COL5A1: variants seen among roughly 807,000 people sequenced by gnomAD.
COL5A1 encodes the protein collagen type V alpha 1 chain.
In COL5A1, 16 loss-of-function variants were observed where a neutral mutation model predicts 263.7. That is an observed-to-expected ratio of 0.06 (90% CI 0.04 to 0.09). The LOEUF (loss-of-function observed/expected upper bound fraction) is 0.09, where lower values mean the gene tolerates loss of function less well. COL5A1 is among the 10% of genes least tolerant of loss of function. The pLI is 1.00. For missense variants in COL5A1, 2,036 were observed against 2,540.5 expected, an observed-to-expected ratio of 0.80 and a Z score of 4.27; for synonymous variants, 1,012 against 1,004.5, an observed-to-expected ratio of 1.01 and a Z score of -0.14.
At chr9:134,734,625 G>A (rs1294783036) in intron 9 of COL5A1, among the ~76,000 whole-genome samples, 1 of 152,212 alleles carries the variant, frequency 6.6e-6, no homozygotes, top group Non-Finnish European at 1.5e-5. Context: ...TTCCCACTCA[G>A]TCCCGCTCCC....
chr9:134,822,965 G>C, intron 59 of COL5A1, 33 bp from the exon 60 acceptor site: 4 of 1,613,878 alleles, frequency 2.5e-6, no homozygotes, highest in Non-Finnish European at 3.4e-6. Context: ...CTGAGACCCG[G>C]CTTGCTGACG....
chr9:134,691,227 AG>A (rs1833269662), intron 2 of COL5A1, 148 bp downstream of exon 2: 7 of 959,798 alleles, frequency 7.3e-6, no homozygotes, highest in Non-Finnish European at 1.1e-5. Context: ...GTTTCACTGT[AG>A]TGAAAAGGCA....
chr9:134,825,122 G>A (rs923590684), intron 62 of COL5A1, among the ~76,000 whole-genome samples: 4 of 152,220 alleles, frequency 2.6e-5, no homozygotes, highest in Admixed American at 6.5e-5. Flanking sequence ...TTCTGGCGGG[G>A]TGACCTGCTT....
rs2132532490 is a variant in COL5A1 at position 134,682,112 on chromosome 9, G to A, written c.110-8800G>A. Among the ~76,000 whole-genome samples the A allele has an allele frequency of 6.6e-6, 1 of 152,348 alleles. No homozygotes were observed. The highest frequency in any genetic ancestry group is 1.9e-4 in the East Asian group (1 of 5,172). On this transcript the variant is annotated intron_variant, in intron 1 of 65. Coordinates refer to ENST00000371817, the MANE Select transcript of COL5A1 (RefSeq NM_000093.5). This position sits in a 1 kb window ranked among gnomAD's most constrained non-coding sequence, Gnocchi z 5.1. ...TGGCCTGGGCTCAGTGTCTGGGACC[G>A]TGGTGCTGAGTGTTTGGCGGTGACC...
intron 36 of COL5A1, among the ~76,000 whole-genome samples, 190 bp downstream of exon 36, chr9:134,797,091 C>T (rs1837941829): frequency 6.6e-6 from 1 of 152,268 alleles, no homozygotes; most frequent in Admixed American, 6.5e-5. Flanking sequence ...GCCAAGGCGG[C>T]TGTGGGGCAG....
intron 34 of COL5A1, 53 bp from the exon 35 acceptor site, chr9:134,796,321 T>C: frequency 6.3e-7 from 1 of 1,587,482 alleles, no homozygotes; most frequent in Middle Eastern, 1.7e-4. Context: ...CAGAGTCTTT[T>C]CATCCAAATA....
intron 64 of COL5A1, among the ~76,000 whole-genome samples, chr9:134,832,361 G>C (rs142562789): frequency 6.6e-6 from 1 of 152,184 alleles, no homozygotes; most frequent in East Asian, 1.9e-4. Flanking sequence ...AGCTGAGATC[G>C]CGCCACTGCA....
chr9:134,716,443 C>T lies in COL5A1; in HGVS notation c.655-10823C>T, dbSNP rs1203039213. On this transcript the variant is annotated intron_variant, in intron 4 of 65. Coordinates refer to ENST00000371817, the MANE Select transcript of COL5A1 (RefSeq NM_000093.5). This position sits in a 1 kb window ranked among gnomAD's most constrained non-coding sequence, Gnocchi z 4.5. ...TGCCATAAAACAGTGTCTGCAGGCCCGCTGCTCCGAAAGTCAAGATGTGGA... is the reference window on the plus strand; with the variant it reads ...TGCCATAAAACAGTGTCTGCAGGCCTGCTGCTCCGAAAGTCAAGATGTGGA... Among the ~76,000 whole-genome samples the T allele has an allele frequency of 3.3e-5, 5 of 150,932 alleles. No homozygotes were observed. Among genetic ancestry groups the T allele is most frequent in the South Asian group, 2.1e-4 (1 of 4,668 alleles).
chr9:134,825,969 G>T (rs976862260), intron 63 of COL5A1, 65 bp downstream of exon 63: 3 of 1,031,714 alleles, frequency 2.9e-6, no homozygotes, highest in Non-Finnish European at 4.6e-6. Flanking sequence ...CATGCCGAGG[G>T]CTTCAAGCAT....
intron 37 of COL5A1, among the ~76,000 whole-genome samples, chr9:134,800,022 A>G (rs1375778582): frequency 6.6e-6 from 1 of 152,196 alleles, no homozygotes; most frequent in African/African-American, 2.4e-5. Flanking sequence ...CTTGGGACAT[A>G]GCATCTCCTC....
chr9:134,646,000 C>T (rs745844435), intron 1 of COL5A1, among the ~76,000 whole-genome samples: 1 of 151,770 alleles, frequency 6.6e-6, no homozygotes, highest in Non-Finnish European at 1.5e-5. Flanking sequence ...CTCTCCCATC[C>T]CCTTCCTTCC....
chr9:134,740,622 T>C (rs1054487708), intron 11 of COL5A1, among the ~76,000 whole-genome samples: 1 of 152,226 alleles, frequency 6.6e-6, no homozygotes, highest in Non-Finnish European at 1.5e-5. Context: ...AGATTTGTAC[T>C]GAGTGCCTGC....
At chr9:134,775,368 G>T (rs1248331465) in intron 27 of COL5A1, among the ~76,000 whole-genome samples, 1 of 152,256 alleles carries the variant, frequency 6.6e-6, no homozygotes, top group African/African-American at 2.4e-5. Context: ...GAGAAACAGA[G>T]TCTGTCTCCA....
At chr9:134,663,111 T>A (rs1030942681) in intron 1 of COL5A1, among the ~76,000 whole-genome samples, 5 of 152,250 alleles carry the variant, frequency 3.3e-5, no homozygotes, top group African/African-American at 1.2e-4. Context: ...GTTCGACGTT[T>A]CCTGAACAAC....
intron 42 of COL5A1, 106 bp from the exon 43 acceptor site, chr9:134,809,077 C>T (rs1225204248): frequency 3.0e-6 from 3 of 1,014,704 alleles, no homozygotes; most frequent in Non-Finnish European, 4.6e-6. Context: ...TCACCCTCAC[C>T]AACTCCCACT....
chr9:134,824,953 A>T, intron 62 of COL5A1, 98 bp downstream of exon 62: 1 of 1,478,996 alleles, frequency 6.8e-7, no homozygotes, highest in Admixed American at 2.1e-5. Flanking sequence ...GCACAGCGGA[A>T]GGGACAGGAC....
chr9:134,818,967 T>C lies in COL5A1; in HGVS notation c.4393-33T>C, dbSNP rs1463164855. ...ACTTCGCCACCCAAAGCCCCAAGGA[T>C]GAGGACTCTGATCCCCCTGCCTCCT... On this transcript the variant is annotated intron_variant, in intron 56 of 65. Coordinates refer to ENST00000371817, the MANE Select transcript of COL5A1 (RefSeq NM_000093.5). This position sits in a 1 kb window ranked among gnomAD's most constrained non-coding sequence, Gnocchi z 6.0. 37 of 1,613,202 alleles carry C rather than the reference T, an allele frequency of 2.3e-5. No individual in the cohort carries two copies. The highest frequency in any genetic ancestry group is 3.1e-5 in the Non-Finnish European group (36 of 1,179,808).
At chr9:134,829,945 C>G (rs775621493) in intron 63 of COL5A1, 31 bp from the exon 64 acceptor site, 1 of 1,604,950 alleles carries the variant, frequency 6.2e-7, no homozygotes, top group Non-Finnish European at 8.5e-7. Context: ...TTCTGTTTCT[C>G]TCCCTCCCCA....
At chr9:134,753,154 A>G (rs1835850659) in intron 14 of COL5A1, among the ~76,000 whole-genome samples, 1 of 152,156 alleles carries the variant, frequency 6.6e-6, no homozygotes, top group African/African-American at 2.4e-5. Context: ...TGATCTTTAC[A>G]GCCCTGTTCC....
Sources: allele counts gnomAD v4.1 joint callset (sites outside exome capture counted in the v4.1 genomes callset), GRCh38; gene constraint gnomAD v4.1.1; non-coding constraint Gnocchi (gnomAD v3.1); transcripts MANE v1.5; gene names NCBI Gene and HGNC (gene_info 2026-07-23, HGNC 2026-07-21).